Variants in TIFAB observed in about 807,000 individuals in gnomAD.
The protein encoded by TIFAB is TRAF-interacting protein with FHA domain-containing protein B.
For missense variants in TIFAB, 222 were observed against 203.6 expected, an observed-to-expected ratio of 1.09 and a Z score of -0.55; for synonymous variants, 116 against 95.2, an observed-to-expected ratio of 1.22 and a Z score of -1.27.
chr5:135,446,985 A>G lies in TIFAB; in HGVS notation c.*2469T>C, dbSNP rs776472926. 1.7e-5 allele frequency: 28 copies of G among 1,613,060 alleles called. No individual in the cohort carries two copies. Among genetic ancestry groups the G allele is most frequent in the African/African-American group, 5.3e-5 (4 of 74,906 alleles). On this transcript the variant is annotated 3_prime_UTR_variant, in exon 2 of 2. Coordinates refer to ENST00000537858, the MANE Select transcript of TIFAB (RefSeq NM_001099221.2). ...CCAAAGTTCTCTGGTGGAGCTGGGGAGTGGCACCCTGGGAACTCTGGGGTT... is the reference window on the plus strand; with the variant it reads ...CCAAAGTTCTCTGGTGGAGCTGGGGGGTGGCACCCTGGGAACTCTGGGGTT...
At chr5:135,451,112 C>T (rs1769356180) in intron 1 of TIFAB, among the ~76,000 whole-genome samples, 2 of 152,178 alleles carry the variant, frequency 1.3e-5, no homozygotes, top group Non-Finnish European at 2.9e-5. Flanking sequence ...GTTCCACTGC[C>T]CCATACAAAT....
At position 135,445,649 on chromosome 5, in the gene TIFAB, A is replaced by G. The variant is rs1159696248; in HGVS notation, c.*3805T>C. The G allele has an allele frequency of 6.6e-6, 1 of 152,274 alleles. No individual in the cohort carries two copies. The highest frequency in any genetic ancestry group is 1.9e-4 in the East Asian group (1 of 5,178). 9.4% of individuals were successfully genotyped at this position (152,274 alleles called of 1,614,324 possible). A position where few individuals can be genotyped will look rare whatever the true frequency, so the allele number is the denominator to read the frequency against. ...CAACCCATGGCCTTTGTCTGCAAGG[A>G]ACTTGAGGTCTCACCGGGCAGACAG... On this transcript the variant is annotated 3_prime_UTR_variant, in exon 2 of 2. Transcript: ENST00000537858.
chr5:135,447,169 A>T lies in TIFAB; in HGVS notation c.*2285T>A. 6.2e-7 allele frequency: 1 copy of T among 1,607,384 alleles called. No homozygotes were observed. The highest frequency in any genetic ancestry group is 1.1e-5 in the South Asian group (1 of 90,508). On this transcript the variant is annotated 3_prime_UTR_variant, in exon 2 of 2. Transcript: ENST00000537858. ...GCTGCTTTTCATCAGACCAAAATACATGTGGCTTCTTCTCCTTGCCAGCCC... is the reference window on the plus strand; with the variant it reads ...GCTGCTTTTCATCAGACCAAAATACTTGTGGCTTCTTCTCCTTGCCAGCCC...
At chr5:135,450,297 G>A (rs1034822601) in intron 1 of TIFAB, among the ~76,000 whole-genome samples, 52 of 152,202 alleles carry the variant, frequency 3.4e-4, no homozygotes, top group Non-Finnish European at 1.5e-5. Context: ...TCTTGGAAAG[G>A]AAAGGGTAGA....
chr5:135,450,983 T>C (rs1020950170), intron 1 of TIFAB, among the ~76,000 whole-genome samples: 5 of 152,352 alleles, frequency 3.3e-5, no homozygotes, highest in Middle Eastern at 3.4e-3. Flanking sequence ...ATTCCATCTT[T>C]GCATTTCATG....
chr5:135,447,871 A>G lies in TIFAB; in HGVS notation c.*1583T>C, dbSNP rs1769298478. On this transcript the variant is annotated 3_prime_UTR_variant, in exon 2 of 2. Coordinates refer to ENST00000537858, the MANE Select transcript of TIFAB (RefSeq NM_001099221.2). ...TAAACTCCCTGAGGGAGTTTGCCTTATTCACTTCTGGTTCAGTTCCGTGGC... is the reference window on the plus strand; with the variant it reads ...TAAACTCCCTGAGGGAGTTTGCCTTGTTCACTTCTGGTTCAGTTCCGTGGC... 6.6e-6 allele frequency: 1 copy of G among 152,218 alleles called. No homozygotes were observed. The highest frequency in any genetic ancestry group is 2.1e-4 in the South Asian group (1 of 4,824). The allele number at this position is 152,218 out of a possible 1,614,324, so 9.4% of individuals were successfully genotyped here.
chr5:135,445,565 C>G lies in TIFAB; in HGVS notation c.*3889G>C, dbSNP rs1001559869. The G allele has an allele frequency of 6.6e-6, 1 of 152,516 alleles. No individual in the cohort carries two copies. The highest frequency in any genetic ancestry group is 1.5e-5 in the Non-Finnish European group (1 of 68,288). 9.4% of individuals were successfully genotyped at this position (152,516 alleles called of 1,614,324 possible). On this transcript the variant is annotated 3_prime_UTR_variant, in exon 2 of 2. Coordinates refer to ENST00000537858, the MANE Select transcript of TIFAB (RefSeq NM_001099221.2). ...GCTGCCTTGACCACCAGAGCCCCCC[C>G]GTCTGTGCATCTGTCCTCTGTTCAG... is the stretch of plus-strand genomic sequence containing the variant.
At position 135,446,836 on chromosome 5, in the gene TIFAB, C is replaced by T; in HGVS notation, c.*2618G>A. On this transcript the variant is annotated 3_prime_UTR_variant, in exon 2 of 2. Transcript: ENST00000537858. The stretch of plus-strand genomic sequence containing the variant: ...TCGAAAGATTGGAGTTGCAGAGTCC[C>T]CTGTGGAGGAATTGAACTGCCCCCT... 6.2e-7 allele frequency: 1 copy of T among 1,613,932 alleles called. No individual in the cohort carries two copies. The highest frequency in any genetic ancestry group is 8.5e-7 in the Non-Finnish European group (1 of 1,179,848).
rs1769226716 is a variant in TIFAB at position 135,444,819 on chromosome 5, G to A, written c.*4635C>T. The A allele has an allele frequency of 6.6e-6, 1 of 152,254 alleles. No homozygotes were observed. Among genetic ancestry groups the A allele is most frequent in the Non-Finnish European group, 1.5e-5 (1 of 68,076 alleles). 9.4% of individuals were successfully genotyped at this position (152,254 alleles called of 1,614,324 possible). A position where few individuals can be genotyped will look rare whatever the true frequency, so the allele number is the denominator to read the frequency against. ...TCTGTAGTGACCGTCCATTTGAAGG[G>A]ATAGGGAAATATTCCCTCAGTGTCC... On this transcript the variant is annotated 3_prime_UTR_variant, in exon 2 of 2. Transcript: ENST00000537858.
chr5:135,446,922 G>C lies in TIFAB; in HGVS notation c.*2532C>G. 6.2e-7 allele frequency: 1 copy of C among 1,613,138 alleles called. No individual in the cohort carries two copies. Among genetic ancestry groups the C allele is most frequent in the Non-Finnish European group, 8.5e-7 (1 of 1,179,430 alleles). The stretch of plus-strand genomic sequence containing the variant: ...CCTGGAGGGTAGAGACCCTCACTGA[G>C]GCCCTGGAGAGGGGCACTCAGGGGC... On this transcript the variant is annotated 3_prime_UTR_variant, in exon 2 of 2. Transcript: ENST00000537858.
chr5:135,447,369 G>A lies in TIFAB; in HGVS notation c.*2085C>T. ...TTCTGGAGCCAGCTTACTGGGGTGT[G>A]AGTCTTCCTTAGCTCCGTGTGGATG... On this transcript the variant is annotated 3_prime_UTR_variant, in exon 2 of 2. Coordinates refer to ENST00000537858, the MANE Select transcript of TIFAB (RefSeq NM_001099221.2). 1 of 545,876 alleles carries A rather than the reference G, an allele frequency of 1.8e-6. No homozygotes were observed. The highest frequency in any genetic ancestry group is 2.1e-5 in the South Asian group (1 of 47,462). The allele number at this position is 545,876 out of a possible 1,614,324, so 33.8% of individuals were successfully genotyped here.
chr5:135,452,236 G>T lies in TIFAB; in HGVS notation c.-38C>A, dbSNP rs1309889560. On this transcript the variant is annotated 5_prime_UTR_variant, in exon 1 of 2. Coordinates refer to ENST00000537858, the MANE Select transcript of TIFAB (RefSeq NM_001099221.2). ...TATTGCCGGGGCACATCTGGCTCTA[G>T]TCCTGCAGCTGTGAGCTCTTGAGAG... 1 of 152,316 alleles carries T rather than the reference G, an allele frequency of 6.6e-6. No individual in the cohort carries two copies. The highest frequency in any genetic ancestry group is 1.5e-5 in the Non-Finnish European group (1 of 68,106). 9.4% of individuals were successfully genotyped at this position (152,316 alleles called of 1,614,324 possible). A position where few individuals can be genotyped will look rare whatever the true frequency, so the allele number is the denominator to read the frequency against.
rs757254791 is a variant in TIFAB, at chr5:135,448,147, G to C, written c.*1307C>G. 1 of 152,248 alleles carries C rather than the reference G, an allele frequency of 6.6e-6. No homozygotes were observed. The highest frequency in any genetic ancestry group is 2.4e-5 in the African/African-American group (1 of 41,456). The allele number at this position is 152,248 out of a possible 1,614,324, so 9.4% of individuals were successfully genotyped here. On this transcript the variant is annotated 3_prime_UTR_variant, in exon 2 of 2. Coordinates refer to ENST00000537858, the MANE Select transcript of TIFAB (RefSeq NM_001099221.2). ...CTGATGGAGAAGATGCTCAGGGCCT[G>C]TGAGTGAAGTTGGACCTCCTTGTAG...
rs747182587 is a variant in TIFAB, at chr5:135,446,338, C to A, written c.*3116G>T. 3.8e-6 allele frequency: 6 copies of A among 1,558,942 alleles called. No individual in the cohort carries two copies. In the South Asian group the frequency reaches 6.2e-5, roughly 16 times the overall value. ...CTGTATGTTCGTGTTTAGTGTATGT[C>A]TGTGCATACTTGCGTGTGTGCACAC... On this transcript the variant is annotated 3_prime_UTR_variant, in exon 2 of 2. Coordinates refer to ENST00000537858, the MANE Select transcript of TIFAB (RefSeq NM_001099221.2).
chr5:135,451,490 T>TC (rs1769362004), intron 1 of TIFAB, among the ~76,000 whole-genome samples: 1 of 151,248 alleles, frequency 6.6e-6, no homozygotes, highest in African/African-American at 2.4e-5. Flanking sequence ...TTTTTCTTTT[T>TC]TTTTTTTTTC....
Position 135,449,226 on chromosome 5 carries a change from A to G in TIFAB, c.*228T>C. The G allele has an allele frequency of 1.5e-6, 1 of 656,646 alleles. No homozygotes were observed. The highest frequency in any genetic ancestry group is 2.0e-5 in the South Asian group (1 of 49,706). 40.7% of individuals were successfully genotyped at this position (656,646 alleles called of 1,614,324 possible). The stretch of plus-strand genomic sequence containing the variant: ...GTGTTTGCAGAATTGGTTCATTATG[A>G]GCAAGGCAGCCAGTGGGTTTTGCTT... On this transcript the variant is annotated 3_prime_UTR_variant, in exon 2 of 2. Coordinates refer to ENST00000537858, the MANE Select transcript of TIFAB (RefSeq NM_001099221.2).
Position 135,449,498 on chromosome 5 carries a change from A to G in TIFAB, c.442T>C (p.Trp148Arg), listed in dbSNP as rs1189726962. ...YRPEAEETDE[W>R]EGISQGQPPP... ...GGCTGCCCCTGGGAGATGCCTTCCC[A>G]TTCGTCAGTTTCCTCAGCCTCAGGT... Residue 148 changes from tryptophan (W) to arginine (R), a missense_variant, in exon 2 of 2, where the codon TGG becomes CGG. By Grantham distance (101) the Trp-to-Arg change is moderately radical. Coordinates refer to ENST00000537858, the MANE Select transcript of TIFAB (RefSeq NM_001099221.2). The G allele has an allele frequency of 6.2e-7, 1 of 1,614,202 alleles. No homozygotes were observed. Among genetic ancestry groups the G allele is most frequent in the South Asian group, 1.1e-5 (1 of 91,082 alleles).
chr5:135,449,719 C>T lies in TIFAB; in HGVS notation c.221G>A (p.Cys74Tyr), dbSNP rs780677074. The change falls in exon 2 of 2, where the codon TGC becomes TAC. Residue 74 changes from cysteine to tyrosine, a missense_variant. Coordinates refer to ENST00000537858, the MANE Select transcript of TIFAB (RefSeq NM_001099221.2). ...GCCCTTGCGGCTCAGGGCCTTGAGG[C>T]AGAAGGCCAGCAGGGCACTGCCTTT... ...LEKGSALLAF[C>Y]LKALSRKGCV... The T allele has an allele frequency of 6.2e-7, 1 of 1,614,090 alleles. No homozygotes were observed. The highest frequency in any genetic ancestry group is 2.2e-5 in the East Asian group (1 of 44,888).
At position 135,447,775 on chromosome 5, in the gene TIFAB, T is replaced by C. The variant is rs1769297135; in HGVS notation, c.*1679A>G. 1.3e-5 allele frequency: 2 copies of C among 155,274 alleles called. No homozygotes were observed. The highest frequency in any genetic ancestry group is 4.8e-5 in the African/African-American group (2 of 41,452). 9.6% of individuals were successfully genotyped at this position (155,274 alleles called of 1,614,324 possible). On this transcript the variant is annotated 3_prime_UTR_variant, in exon 2 of 2. Coordinates refer to ENST00000537858, the MANE Select transcript of TIFAB (RefSeq NM_001099221.2). Reference sequence around the variant, plus strand: ...GGAGGAGAGAGAAAAATACAATGACTATAGCACTAATCATAGTAGTGATCA... The same window carrying C: ...GGAGGAGAGAGAAAAATACAATGACCATAGCACTAATCATAGTAGTGATCA...
Sources: allele counts gnomAD v4.1 joint callset (sites outside exome capture counted in the v4.1 genomes callset), GRCh38; gene constraint gnomAD v4.1.1; transcripts MANE v1.5; gene names NCBI Gene and HGNC (gene_info 2026-07-23, HGNC 2026-07-21).